TNR: variants seen among roughly 807,000 people sequenced by gnomAD.
TNR encodes tenascin R.
In TNR, 45 loss-of-function variants were observed where a neutral mutation model predicts 150.4. The ratio of observed to expected loss-of-function variants is 0.30; its 90% confidence interval spans 0.24 to 0.38. TNR has a LOEUF of 0.38. Ranked by LOEUF, TNR falls within the 10% of genes least tolerant of loss-of-function variation. The probability of loss-of-function intolerance (pLI) is 1.00; values close to 1 mark genes in which losing one functional copy is unlikely to be tolerated. For synonymous variants in TNR, 687 were observed against 678.4 expected (o/e 1.01, Z -0.20); for missense variants, 1,544 against 1,759.1 (o/e 0.88, Z 2.19).
chr1:175,388,382 C>T (rs1006782082), intron 7 of TNR, among the ~76,000 whole-genome samples: 14 of 152,126 alleles, frequency 9.2e-5, no homozygotes, highest in East Asian at 1.9e-4. Context: ...GATTATGTAG[C>T]GCAGAGGGTT....
At chr1:175,384,830 A>G (rs1652848967) in intron 8 of TNR, among the ~76,000 whole-genome samples, 1 of 152,220 alleles carries the variant, frequency 6.6e-6, no homozygotes, top group South Asian at 2.1e-4. Flanking sequence ...TCTGGCCATG[A>G]CACTAAGTTA....
At chr1:175,467,183 A>G (rs1464305164) in intron 2 of TNR, among the ~76,000 whole-genome samples, 2 of 152,144 alleles carry the variant, frequency 1.3e-5, no homozygotes, top group Non-Finnish European at 2.9e-5. Flanking sequence ...AGAGTCCTGC[A>G]CTCAGAGCTG....
At chr1:175,437,607 T>A (rs1171841007) in intron 2 of TNR, among the ~76,000 whole-genome samples, 2 of 151,958 alleles carry the variant, frequency 1.3e-5, no homozygotes, top group Non-Finnish European at 2.9e-5. Flanking sequence ...TTTGAAAAGA[T>A]CAACAAAATT....
chr1:175,422,572 A>G (rs1654802220), intron 2 of TNR, among the ~76,000 whole-genome samples: 1 of 152,178 alleles, frequency 6.6e-6, no homozygotes, highest in Non-Finnish European at 1.5e-5. Flanking sequence ...CATGCTAGCC[A>G]TTGGCCCAGT....
chr1:175,532,533 T>G (rs1291568567), intron 1 of TNR, among the ~76,000 whole-genome samples: 1 of 152,084 alleles, frequency 6.6e-6, no homozygotes, highest in African/African-American at 2.4e-5. Context: ...TTCAGCAGAG[T>G]GTAAGAAGTT....
intron 2 of TNR, among the ~76,000 whole-genome samples, chr1:175,449,247 GCTC>G (rs368979811): frequency 1.1e-4 from 16 of 152,318 alleles, no homozygotes; most frequent in African/African-American, 3.4e-4. Context: ...AGGGCGCTCT[GCTC>G]CTCCTTTGTT....
intron 1 of TNR, among the ~76,000 whole-genome samples, chr1:175,579,822 A>C (rs1662277007): frequency 6.6e-6 from 1 of 151,998 alleles, no homozygotes; most frequent in Non-Finnish European, 1.5e-5. Context: ...CCCAACTTCT[A>C]TTCTGATCCC....
intron 2 of TNR, among the ~76,000 whole-genome samples, chr1:175,433,556 T>C (rs548017036): frequency 6.6e-6 from 1 of 152,174 alleles, no homozygotes; most frequent in Non-Finnish European, 1.5e-5. Context: ...AAGTGTCATA[T>C]GGAGAAGCAA....
chr1:175,725,814 T>C (rs1667461446), intron 1 of TNR, among the ~76,000 whole-genome samples: 1 of 152,186 alleles, frequency 6.6e-6, no homozygotes, highest in Non-Finnish European at 1.5e-5. Context: ...AATGAATGTT[T>C]CAGGAGCTCA....
intron 2 of TNR, among the ~76,000 whole-genome samples, chr1:175,483,510 A>G (rs1657888825): frequency 6.6e-6 from 1 of 152,194 alleles, no homozygotes; most frequent in Non-Finnish European, 1.5e-5. Context: ...ACATGATGGA[A>G]AGACAGGAGA....
At chr1:175,537,809 G>A (rs1265429213) in intron 1 of TNR, among the ~76,000 whole-genome samples, 1 of 152,174 alleles carries the variant, frequency 6.6e-6, no homozygotes, top group Non-Finnish European at 1.5e-5. Flanking sequence ...CTCGTCAGGG[G>A]CCAAGCCAGG....
intron 2 of TNR, among the ~76,000 whole-genome samples, chr1:175,429,446 C>T (rs1221928311): frequency 1.3e-5 from 2 of 152,168 alleles, no homozygotes; most frequent in Admixed American, 1.3e-4. Flanking sequence ...GTTTCAGTTT[C>T]CTCATCTGTG....
At chr1:175,594,992 C>T (rs929972989) in intron 1 of TNR, among the ~76,000 whole-genome samples, 13 of 151,892 alleles carry the variant, frequency 8.6e-5, no homozygotes, top group Admixed American at 7.2e-4. Context: ...TGGTGAAACC[C>T]TGTCTCTACT....
intron 1 of TNR, among the ~76,000 whole-genome samples, chr1:175,606,381 C>T (rs552602892): frequency 2.0e-5 from 3 of 152,270 alleles, no homozygotes; most frequent in South Asian, 2.1e-4. Context: ...AAAATATGAT[C>T]GACTGAGTTG....
At chr1:175,674,137 C>T (rs950493094) in intron 1 of TNR, among the ~76,000 whole-genome samples, 1 of 152,094 alleles carries the variant, frequency 6.6e-6, no homozygotes, top group African/African-American at 2.4e-5. Context: ...TTAAACAGGG[C>T]CTGTGTGTGC....
At chr1:175,739,539 A>G (rs1454640286) in intron 1 of TNR, among the ~76,000 whole-genome samples, 2 of 152,196 alleles carry the variant, frequency 1.3e-5, no homozygotes, top group East Asian at 3.9e-4. Flanking sequence ...CACATTCACC[A>G]AAGTTACCAA....
chr1:175,551,783 A>T (rs1016045667), intron 1 of TNR, among the ~76,000 whole-genome samples: 1 of 152,222 alleles, frequency 6.6e-6, no homozygotes, highest in Admixed American at 6.6e-5. Context: ...TAACAAAGGT[A>T]AAATAATGAA....
intron 1 of TNR, among the ~76,000 whole-genome samples, chr1:175,530,898 T>A (rs193209062): frequency 7.9e-5 from 12 of 152,198 alleles, no homozygotes; most frequent in African/African-American, 2.2e-4. Context: ...TTTACTTTTT[T>A]AGTCATTGGC....
chr1:175,442,652 T>C (rs1655848836), intron 2 of TNR, among the ~76,000 whole-genome samples: 1 of 151,782 alleles, frequency 6.6e-6, no homozygotes, highest in Non-Finnish European at 1.5e-5. Context: ...GCATCTGCCC[T>C]GGCATGCTTC....
Sources: allele counts gnomAD v4.1 joint callset (sites outside exome capture counted in the v4.1 genomes callset), GRCh38; gene constraint gnomAD v4.1.1; transcripts MANE v1.5; gene names NCBI Gene and HGNC (gene_info 2026-07-23, HGNC 2026-07-21).